The following ESRRB variants were observed in gnomAD, a reference collection of about 807,000 sequenced individuals.
ESRRB encodes estrogen related receptor beta, also known as steroid hormone receptor ERR2.
ESRRB carries 16 observed loss-of-function variants against 46.0 expected under a neutral mutation model. That is an observed-to-expected ratio of 0.35 (90% CI 0.24 to 0.53). The LOEUF is 0.53. ESRRB is among the 20% of genes least tolerant of loss of function. ESRRB has a pLI of 0.93. For synonymous variants in ESRRB, 246 were observed against 259.6 expected (o/e 0.95, Z 0.50); for missense variants, 488 against 607.4 (o/e 0.80, Z 2.07).
At chr14:76,347,896 T>C in intron 1 of ESRRB, among the ~76,000 whole-genome samples, 1 of 152,202 alleles carries the variant, frequency 6.6e-6, no homozygotes, top group East Asian at 1.9e-4. Context: ...AATTCACTGT[T>C]CTTTCTATAT....
In ESRRB at chr14:76,465,418, G is replaced by T. The variant is rs569341256; in HGVS notation, c.577+2757G>T. Among the ~76,000 whole-genome samples, 140 of 152,302 alleles carry T rather than the reference G, an allele frequency of 9.2e-4. 1 individual carries two copies. The South Asian group carries it at 0.028, about 31-fold the overall frequency. On this transcript the variant is annotated intron_variant, in intron 3 of 6. Transcript: ENST00000644823. The stretch of plus-strand genomic sequence containing the variant: ...AGTGGCTTCCCAGAAAGCAGGAGAT[G>T]GTGAAGGGGTGCACTGATGGCAGGG...
rs10150716 is a variant in ESRRB at position 76,364,426 on chromosome 14, C to T, written c.2+53510C>T. On this transcript the variant is annotated intron_variant, in intron 1 of 6. Transcript: ENST00000512784. ...CTAAGGGGCCAGGCGCAGTGGCTCA[C>T]GCCTGTAATCCCAGCACTTTGGGAG... Among the ~76,000 whole-genome samples the T allele has an allele frequency of 3.3e-3, 509 of 152,200 alleles. 2 individuals are homozygous for T. The highest frequency in any genetic ancestry group is 0.011 in the African/African-American group (470 of 41,532).
intron 1 of ESRRB, among the ~76,000 whole-genome samples, chr14:76,354,214 T>TCC (rs1884348164): frequency 1.4e-5 from 1 of 69,786 alleles, no homozygotes; most frequent in African/African-American, 1.2e-4. Context: ...GCCCCCAGGG[T>TCC]CCTCTACCCG....
intron 1 of ESRRB, among the ~76,000 whole-genome samples, chr14:76,363,353 G>C (rs898670937): frequency 2.4e-4 from 36 of 152,130 alleles, no homozygotes; most frequent in Non-Finnish European, 4.4e-5. Flanking sequence ...TGCCCATTTG[G>C]ACCTGCTCCA....
intron 1 of ESRRB, among the ~76,000 whole-genome samples, chr14:76,313,553 C>A (rs1383132980): frequency 7.9e-5 from 12 of 152,108 alleles, no homozygotes; most frequent in Admixed American, 7.9e-4. Flanking sequence ...TGAGCAGGTG[C>A]TTTGGAATGC....
intron 1 of ESRRB, among the ~76,000 whole-genome samples, chr14:76,319,308 T>C (rs1357802008): frequency 6.6e-6 from 1 of 152,220 alleles, no homozygotes; most frequent in African/African-American, 2.4e-5. Context: ...GAAAGAAGAA[T>C]AGGAATAAGC....
At chr14:76,420,651 G>A (rs901030465) in intron 1 of ESRRB, among the ~76,000 whole-genome samples, 1 of 70 alleles carries the variant, frequency 0.014, no homozygotes, top group African/African-American at 0.031. Context: ...TCAGTGCACT[G>A]TGAGGAACAA....
chr14:76,332,460 T>TATATATTCTATATATATATAATATATAA (rs1884024610), intron 1 of ESRRB, among the ~76,000 whole-genome samples: 11 of 117,088 alleles, frequency 9.4e-5, no homozygotes, highest in African/African-American at 2.9e-4. Flanking sequence ...ACCATATATA[T>TATATATTCTATATATATATAATATATAA]ATATATTCTA....
rs138276720 is a variant in ESRRB, at chr14:76,326,106, C to T, written c.2+15190C>T. Among the ~76,000 whole-genome samples the T allele has an allele frequency of 5.6e-3, 853 of 152,312 alleles. 14 individuals are homozygous for T. Among genetic ancestry groups the T allele is most frequent in the African/African-American group, 0.018 (765 of 41,552 alleles). On this transcript the variant is annotated intron_variant, in intron 1 of 6. Transcript: ENST00000512784. Reference sequence around the variant, plus strand: ...TCATATCTGTGCTCAGGGACCCATGCGTTCTCTCTGTGCCAGCCTGAGTGC... The same window carrying T: ...TCATATCTGTGCTCAGGGACCCATGTGTTCTCTCTGTGCCAGCCTGAGTGC...
chr14:76,337,682 A>G (rs1884143508), intron 1 of ESRRB, among the ~76,000 whole-genome samples: 1 of 152,242 alleles, frequency 6.6e-6, no homozygotes, highest in African/African-American at 2.4e-5. Context: ...TGGTTCCCAC[A>G]GTTGTCCTAG....
chr14:76,408,639 G>A (rs1886303795), intron 1 of ESRRB, among the ~76,000 whole-genome samples: 1 of 149,550 alleles, frequency 6.7e-6, no homozygotes. Flanking sequence ...ACATAGAGCA[G>A]TGGGCAGCCC....
chr14:76,339,195 C>T (rs1184928874), intron 1 of ESRRB, among the ~76,000 whole-genome samples: 1 of 152,168 alleles, frequency 6.6e-6, no homozygotes, highest in Non-Finnish European at 1.5e-5. Flanking sequence ...TGCAGCTGCT[C>T]TGAGCCTCTG....
In ESRRB at chr14:76,500,608, C is replaced by A; in HGVS notation, c.*2150C>A. ...TCCTTGCAGCGGGGCCGAGGTAGCACCCTGCTCTGTCACTTCCTGCTCAAG... is the reference window on the plus strand; with the variant it reads ...TCCTTGCAGCGGGGCCGAGGTAGCAACCTGCTCTGTCACTTCCTGCTCAAG... On this transcript the variant is annotated 3_prime_UTR_variant, in exon 7 of 7. Transcript: ENST00000644823. 1 of 1,422,898 alleles carries A rather than the reference C, an allele frequency of 7.0e-7. No individual in the cohort carries two copies. Among genetic ancestry groups the A allele is most frequent in the Non-Finnish European group, 9.9e-7 (1 of 1,008,420 alleles). 88.1% of individuals were successfully genotyped at this position (1,422,898 alleles called of 1,614,324 possible).
chr14:76,388,282 C>T (rs547177216), intron 1 of ESRRB, among the ~76,000 whole-genome samples: 6 of 151,616 alleles, frequency 4.0e-5, no homozygotes, highest in East Asian at 1.9e-4. Context: ...AGGTTCACGC[C>T]GTTCTCCTGC....
chr14:76,429,456 A>C (rs1887340033), intron 1 of ESRRB, among the ~76,000 whole-genome samples: 1 of 152,180 alleles, frequency 6.6e-6, no homozygotes, highest in Non-Finnish European at 1.5e-5. Context: ...CTATTAATAA[A>C]ATAGGCAGTT....
At chr14:76,388,722 C>T (rs1413299210) in intron 1 of ESRRB, among the ~76,000 whole-genome samples, 1 of 152,228 alleles carries the variant, frequency 6.6e-6, no homozygotes, top group Non-Finnish European at 1.5e-5. Flanking sequence ...TTCCTGACAT[C>T]ATCGTCCAAG....
upstream of ESRRB, among the ~76,000 whole-genome samples, chr14:76,375,016 T>G (rs946012127): frequency 6.6e-6 from 1 of 152,166 alleles, no homozygotes; most frequent in Non-Finnish European, 1.5e-5. Flanking sequence ...TTGCCTGCAG[T>G]TACACTCCAT....
chr14:76,384,839 G>A (rs942993185), intron 1 of ESRRB, among the ~76,000 whole-genome samples: 5 of 152,096 alleles, frequency 3.3e-5, no homozygotes, highest in African/African-American at 7.2e-5. Flanking sequence ...ACCCTTGATC[G>A]CCTTCTTGGC....
At chr14:76,327,224 C>T (rs1883940373) in intron 1 of ESRRB, among the ~76,000 whole-genome samples, 1 of 152,242 alleles carries the variant, frequency 6.6e-6, no homozygotes, top group Non-Finnish European at 1.5e-5. Flanking sequence ...GCGTGTCACC[C>T]AGGGCTGGGG....
Sources: gnomAD v4.1 joint callset for allele counts (sites outside exome capture counted in the v4.1 genomes callset) on GRCh38, gnomAD v4.1.1 for gene constraint, MANE v1.5 for transcripts, NCBI Gene and HGNC (gene_info 2026-07-23, HGNC 2026-07-21) for gene names.